Variants in ARAP2 observed in about 807,000 individuals in gnomAD.
The protein encoded by ARAP2 is arf-GAP with Rho-GAP domain, ANK repeat and PH domain-containing protein 2.
Under a neutral mutation model 194.5 loss-of-function variants are expected in ARAP2, and 148 were observed. That is an observed-to-expected ratio of 0.76 (90% CI 0.67 to 0.87). ARAP2 has a LOEUF of 0.87. ARAP2 is among the 40% of genes least tolerant of loss of function. The pLI is 0.00. For missense variants in ARAP2, 2,128 were observed against 1,989.7 expected, an observed-to-expected ratio of 1.07 and a Z score of -1.32; for synonymous variants, 695 against 683.5, an observed-to-expected ratio of 1.02 and a Z score of -0.26.
intron 9 of ARAP2, among the ~76,000 whole-genome samples, chr4:36,008,938 A>C (rs958515702): frequency 6.6e-6 from 1 of 152,158 alleles, no homozygotes; most frequent in South Asian, 2.1e-4. Context: ...CAACAAGCAT[A>C]TGAAAAAATA....
chr4:36,220,189 A>G (rs1748833716), intron 2 of ARAP2, among the ~76,000 whole-genome samples: 1 of 152,128 alleles, frequency 6.6e-6, no homozygotes, highest in Non-Finnish European at 1.5e-5. Flanking sequence ...AGCATTTACA[A>G]TATGCCAGAT....
At chr4:36,172,936 G>C (rs1687404666) in intron 9 of ARAP2, among the ~76,000 whole-genome samples, 1 of 152,102 alleles carries the variant, frequency 6.6e-6, no homozygotes, top group African/African-American at 2.4e-5. Context: ...ATCGCCCTAT[G>C]AGGTCTATTT....
intron 15 of ARAP2, among the ~76,000 whole-genome samples, chr4:36,153,238 T>C (rs1164608158): frequency 6.6e-6 from 1 of 152,164 alleles, no homozygotes; most frequent in Non-Finnish European, 1.5e-5. Context: ...CGTATTGTCT[T>C]TGAGGGTTTA....
At chr4:36,206,327 T>C (rs1745531860) in intron 6 of ARAP2, among the ~76,000 whole-genome samples, 1 of 152,210 alleles carries the variant, frequency 6.6e-6, no homozygotes, top group Non-Finnish European at 1.5e-5. Flanking sequence ...TTTTTCACTT[T>C]CCCTAGTTAC....
chr4:36,061,673 T>C (rs948864074), downstream of ARAP2, among the ~76,000 whole-genome samples: 1 of 152,222 alleles, frequency 6.6e-6, no homozygotes, highest in Non-Finnish European at 1.5e-5. Flanking sequence ...CTTTGGGGTA[T>C]ATATACAGCA....
At chr4:36,194,219 AG>A (rs1430022227) in intron 6 of ARAP2, among the ~76,000 whole-genome samples, 1 of 152,208 alleles carries the variant, frequency 6.6e-6, no homozygotes, top group Non-Finnish European at 1.5e-5. Flanking sequence ...TGAAAGGCAA[AG>A]GTAGTTTAAA....
In ARAP2 at chr4:36,160,626, C is replaced by A. The variant is rs1733682710; in HGVS notation, c.2275G>T (p.Gly759Ter). The A allele has an allele frequency of 4.1e-6, 6 of 1,446,870 alleles. No homozygotes were observed. The highest frequency in any genetic ancestry group is 1.6e-5 in the South Asian group (1 of 60,940). 89.6% of individuals were successfully genotyped at this position (1,446,870 alleles called of 1,614,324 possible). ...CAAAAGTCATTTGCTCTTTTGTTTCCAATGACAATAAAAAGCTGAATTGTC... is the reference window on the plus strand; with the variant it reads ...CAAAAGTCATTTGCTCTTTTGTTTCAAATGACAATAAAAAGCTGAATTGTC... ...NELIELFIVI[G>*]NKRANDFWAG... Residue 759 changes from glycine (G) to a stop codon, truncating the protein, a stop_gained, in exon 13 of 33, where the codon GGA becomes TGA. Transcript: ENST00000303965. LOFTEE classifies it high-confidence loss of function.
intron 19 of ARAP2, among the ~76,000 whole-genome samples, chr4:36,135,316 C>T (rs1726431037): frequency 6.6e-6 from 1 of 151,558 alleles, no homozygotes; most frequent in Admixed American, 6.6e-5. Context: ...AAAAGAGAAA[C>T]AAAAAACTTC....
Position 36,228,934 on chromosome 4 carries a change from T to C in ARAP2, c.553A>G (p.Lys185Glu), listed in dbSNP as rs1182003628. 6.2e-7 allele frequency: 1 copy of C among 1,614,050 alleles called. No homozygotes were observed. Among genetic ancestry groups the C allele is most frequent in the Admixed American group, 1.7e-5 (1 of 59,984 alleles). The change falls in exon 2 of 33, where the codon AAG becomes GAG. Residue 185 changes from lysine (K) to glutamate (E), a missense_variant. Physicochemically the swap from Lys to Glu is moderately conservative, Grantham distance 56. Coordinates refer to ENST00000303965, the MANE Select transcript of ARAP2 (RefSeq NM_015230.4). Reference protein sequence around the residue: ...NIKIESLITKKTVDHTVEEQQ... With the variant: ...NIKIESLITKETVDHTVEEQQ... ...TCTTCAACTGTGTGATCCACAGTCT[T>C]CTTTGTAATCAATGATTCTATTTTA...
chr4:36,171,045 A>G (rs1213751077), intron 9 of ARAP2, among the ~76,000 whole-genome samples: 1 of 152,196 alleles, frequency 6.6e-6, no homozygotes, highest in Non-Finnish European at 1.5e-5. Context: ...TTGACTGGCC[A>G]AAGGACAAAA....
intron 5 of ARAP2, among the ~76,000 whole-genome samples, chr4:36,039,467 G>A (rs148045882): frequency 9.8e-4 from 149 of 152,254 alleles, no homozygotes; most frequent in African/African-American, 2.9e-3. Context: ...GACCACTGGC[G>A]GTTAACCTAT....
chr4:36,073,647 T>C (rs1449116587), intron 32 of ARAP2, 42 bp downstream of exon 32: 1 of 1,591,434 alleles, frequency 6.3e-7, no homozygotes, highest in Non-Finnish European at 8.6e-7. Flanking sequence ...CAGGAAAATA[T>C]ATTCTATAAT....
At chr4:36,192,389 A>G (rs1180042007) in intron 7 of ARAP2, among the ~76,000 whole-genome samples, 2 of 152,156 alleles carry the variant, frequency 1.3e-5, no homozygotes, top group African/African-American at 2.4e-5. Flanking sequence ...TCTTCACTGC[A>G]GTTGAGATAA....
intron 31 of ARAP2, among the ~76,000 whole-genome samples, chr4:36,079,166 T>C: frequency 1.0e-5 from 1 of 95,970 alleles, no homozygotes; most frequent in Non-Finnish European, 2.0e-5. Flanking sequence ...AGAGCAAGAC[T>C]CTGTCTCAAA....
chr4:36,081,375 G>A (rs1177767803), intron 30 of ARAP2, among the ~76,000 whole-genome samples: 5 of 152,070 alleles, frequency 3.3e-5, no homozygotes, highest in Admixed American at 1.3e-4. Flanking sequence ...TATGAACAAA[G>A]GTTTAGTAGA....
chr4:36,062,635 T>A (rs61797474), downstream of ARAP2, among the ~76,000 whole-genome samples: 44,465 of 133,664 alleles, frequency 0.33, 7,467 homozygotes, highest in East Asian at 0.51. Context: ...TGTGTGAGAG[T>A]GTGTGTGTGT....
chr4:36,171,709 A>C (rs1418335906), intron 9 of ARAP2, among the ~76,000 whole-genome samples: 1 of 152,198 alleles, frequency 6.6e-6, no homozygotes, highest in East Asian at 1.9e-4. Context: ...CCTGGCATGC[A>C]GTAAGTACTA....
intron 30 of ARAP2, among the ~76,000 whole-genome samples, chr4:36,081,933 G>C (rs1223499824): frequency 7.9e-5 from 12 of 152,088 alleles, no homozygotes; most frequent in Admixed American, 5.9e-4. Context: ...TCTTAAATCT[G>C]ATTTTAGCTA....
intron 27 of ARAP2, among the ~76,000 whole-genome samples, chr4:36,100,599 T>C (rs1716596382): frequency 6.6e-6 from 1 of 151,982 alleles, no homozygotes; most frequent in Non-Finnish European, 1.5e-5. Flanking sequence ...ATTGATTGTA[T>C]AGATGTATTT....
Sources: allele counts gnomAD v4.1 joint callset (sites outside exome capture counted in the v4.1 genomes callset), GRCh38; gene constraint gnomAD v4.1.1; transcripts MANE v1.5; gene names NCBI Gene and HGNC (gene_info 2026-07-23, HGNC 2026-07-21).